CNTNAP2: variants seen among roughly 807,000 people sequenced by gnomAD.
CNTNAP2 encodes the protein contactin-associated protein-like 2.
CNTNAP2 carries 98 observed loss-of-function variants against 155.2 expected under a neutral mutation model. The observed-to-expected ratio is 0.63, with a 90% CI of 0.54 to 0.75. CNTNAP2 has a LOEUF of 0.75. Ranked by LOEUF, CNTNAP2 falls within the 30% of genes least tolerant of loss-of-function variation. The probability of loss-of-function intolerance (pLI) is 0.00; values close to 1 mark genes in which losing one functional copy is unlikely to be tolerated. For synonymous variants in CNTNAP2, 651 were observed against 631.2 expected (o/e 1.03, Z -0.47); for missense variants, 1,727 against 1,688.1 (o/e 1.02, Z -0.40).
rs538698453 is a variant in CNTNAP2, at chr7:147,311,985, C to T, written c.1498+11695C>T. Among the ~76,000 whole-genome samples, 5 of 152,052 alleles carry T rather than the reference C, an allele frequency of 3.3e-5. No individual in the cohort carries two copies. In the East Asian group the frequency reaches 5.8e-4, roughly 18 times the overall value. On this transcript the variant is annotated intron_variant, in intron 9 of 23. Coordinates refer to ENST00000361727, the MANE Select transcript of CNTNAP2 (RefSeq NM_014141.6). ...TAATTATTAAATTTATTATTATTTA[C>T]ATGTCTCTCTTTTAACTAAAAAGTT...
At chr7:146,171,668 G>C (rs1798392441) in intron 1 of CNTNAP2, among the ~76,000 whole-genome samples, 1 of 151,554 alleles carries the variant, frequency 6.6e-6, no homozygotes. Flanking sequence ...AATTTTCTTT[G>C]GCCAAAATTT....
At chr7:146,867,086 G>A (rs1289315149) in intron 3 of CNTNAP2, among the ~76,000 whole-genome samples, 3 of 152,000 alleles carry the variant, frequency 2.0e-5, no homozygotes, top group Admixed American at 6.6e-5. Flanking sequence ...CGTGTCACAG[G>A]GGTTTGCTGT....
intron 20 of CNTNAP2, among the ~76,000 whole-genome samples, chr7:148,260,032 A>G (rs1161160943): frequency 1.3e-5 from 2 of 152,216 alleles, no homozygotes; most frequent in Non-Finnish European, 2.9e-5. Flanking sequence ...TTGGACCCCA[A>G]AGAAATTACC....
chr7:147,095,112 C>T (rs554089864), intron 4 of CNTNAP2, among the ~76,000 whole-genome samples: 18 of 151,832 alleles, frequency 1.2e-4, no homozygotes, highest in Non-Finnish European at 1.9e-4. Flanking sequence ...CTTCGTCTAC[C>T]GGGTTCAAGC....
In CNTNAP2 at chr7:147,300,235, A is replaced by G. The variant is rs1794918200; in HGVS notation, c.1443A>G (p.Ala481=). 1 of 1,613,822 alleles carries G rather than the reference A, an allele frequency of 6.2e-7. No homozygotes were observed. The highest frequency in any genetic ancestry group is 1.1e-5 in the South Asian group (1 of 91,088). ...ILTIDGDEAS[A]VRTNSPLQVK... ...CCATCGATGGAGATGAAGCATCAGC[A>G]GTTCGAACTAATAGTCCCCTTCAAG... The change falls in exon 9 of 24, where the codon GCA becomes GCG. Residue 481 remains alanine (A), a synonymous_variant. Coordinates refer to ENST00000361727, the MANE Select transcript of CNTNAP2 (RefSeq NM_014141.6).
rs185616182 is a variant in CNTNAP2, at chr7:147,490,885, G to A, written c.1777+4844G>A. ...AAGGCCCTTCTTGACATGGTGGCAG[G>A]AGAGAGAATTGCAAGCGAAGGGGGA... On this transcript the variant is annotated intron_variant, in intron 11 of 23. Coordinates refer to ENST00000361727, the MANE Select transcript of CNTNAP2 (RefSeq NM_014141.6). Among the ~76,000 whole-genome samples, 92 of 152,250 alleles carry A rather than the reference G, an allele frequency of 6.0e-4. No individual in the cohort carries two copies. In the Middle Eastern group the frequency reaches 0.01, roughly 17 times the overall value.
chr7:147,400,811 C>T (rs1453074039), intron 10 of CNTNAP2, among the ~76,000 whole-genome samples: 4 of 152,238 alleles, frequency 2.6e-5, no homozygotes, highest in African/African-American at 9.6e-5. Context: ...AACCATAGAT[C>T]GAGCAGCCAC....
intron 12 of CNTNAP2, among the ~76,000 whole-genome samples, chr7:147,574,934 T>C (rs1472382728): frequency 3.3e-5 from 5 of 152,164 alleles, no homozygotes; most frequent in African/African-American, 1.2e-4. Context: ...ACTTTATTAA[T>C]TACTGAATCT....
At chr7:147,393,111 T>C (rs575465839) in intron 9 of CNTNAP2, among the ~76,000 whole-genome samples, 2 of 152,142 alleles carry the variant, frequency 1.3e-5, no homozygotes, top group South Asian at 2.1e-4. Flanking sequence ...TAATTGATTA[T>C]AGAAGGGGAC....
At chr7:148,238,424 C>T (rs150191463) in intron 20 of CNTNAP2, among the ~76,000 whole-genome samples, 3 of 152,324 alleles carry the variant, frequency 2.0e-5, no homozygotes. Flanking sequence ...ACCCAGCTAA[C>T]CAGACCCCGT....
At chr7:148,224,094 C>T (rs1204784331) in intron 19 of CNTNAP2, among the ~76,000 whole-genome samples, 1 of 151,814 alleles carries the variant, frequency 6.6e-6, no homozygotes, top group African/African-American at 2.4e-5. Flanking sequence ...AAAAGCTGTG[C>T]TTTGCACAGG....
chr7:146,739,425 A>C (rs1801673228), intron 1 of CNTNAP2, among the ~76,000 whole-genome samples: 1 of 152,006 alleles, frequency 6.6e-6, no homozygotes, highest in African/African-American at 2.4e-5. Context: ...GTTCAGAAGC[A>C]CGTTCTTTAA....
intron 1 of CNTNAP2, among the ~76,000 whole-genome samples, chr7:146,287,191 C>T (rs1800350369): frequency 6.6e-6 from 1 of 152,128 alleles, no homozygotes; most frequent in African/African-American, 2.4e-5. Context: ...TACAAACTAA[C>T]AAAATTTGAT....
At chr7:146,950,098 A>T (rs144308508) in intron 3 of CNTNAP2, among the ~76,000 whole-genome samples, 2 of 152,144 alleles carry the variant, frequency 1.3e-5, no homozygotes, top group African/African-American at 4.8e-5. Flanking sequence ...CCAAAATACA[A>T]ATTTCCTAAA....
intron 1 of CNTNAP2, among the ~76,000 whole-genome samples, chr7:146,411,535 T>A (rs1795864571): frequency 6.6e-6 from 1 of 152,146 alleles, no homozygotes; most frequent in African/African-American, 2.4e-5. Flanking sequence ...ATTTGTTAAT[T>A]AACTTGATGT....
At chr7:147,940,303 T>TAAAAAAAAAAAAAAAAAAAAAAA (rs59484615) in intron 14 of CNTNAP2, 2 of 91,696 alleles carry the variant, frequency 2.2e-5, no homozygotes, top group African/African-American at 7.6e-5. Flanking sequence ...CCTGTCTCTT[T>TAAAAAAAAAAAAAAAAAAAAAAA]AAAAAAAAAA....
chr7:146,835,585 TAAC>T (rs1312293885), intron 2 of CNTNAP2, among the ~76,000 whole-genome samples: 5 of 152,116 alleles, frequency 3.3e-5, no homozygotes, highest in African/African-American at 1.2e-4. Flanking sequence ...TATTATATAT[TAAC>T]ACTACAATAG....
At position 148,353,620 on chromosome 7, in the gene CNTNAP2, C is replaced by A. The variant is rs1798465290; in HGVS notation, c.3476-30029C>A. Reference sequence around the variant, plus strand: ...GAGCCTTTTGGTAGGGTGAAAGTTTCTTTTAAGTATTTTCATTTTCAGGAG... The same window carrying A: ...GAGCCTTTTGGTAGGGTGAAAGTTTATTTTAAGTATTTTCATTTTCAGGAG... On this transcript the variant is annotated intron_variant, in intron 21 of 23. Transcript: ENST00000361727. Among the ~76,000 whole-genome samples the A allele has an allele frequency of 2.0e-5, 3 of 151,364 alleles. No individual in the cohort carries two copies. In the South Asian group the frequency reaches 6.3e-4, roughly 32 times the overall value.
At chr7:146,907,250 C>A (rs959441409) in intron 3 of CNTNAP2, among the ~76,000 whole-genome samples, 1 of 148,690 alleles carries the variant, frequency 6.7e-6, no homozygotes, top group African/African-American at 2.5e-5. Context: ...AGGAGAACTT[C>A]CCCAATCTAG....
Sources: gnomAD v4.1 joint callset for allele counts (sites outside exome capture counted in the v4.1 genomes callset) on GRCh38, gnomAD v4.1.1 for gene constraint, MANE v1.5 for transcripts, NCBI Gene and HGNC (gene_info 2026-07-23, HGNC 2026-07-21) for gene names.